Variants in FAM13A observed in about 807,000 individuals in gnomAD.
FAM13A encodes protein FAM13A.
FAM13A carries 76 observed loss-of-function variants against 129.6 expected under a neutral mutation model. The ratio of observed to expected loss-of-function variants is 0.59; its 90% CI spans 0.49 to 0.71. The LOEUF (loss-of-function observed/expected upper bound fraction) is 0.71. FAM13A is among the 30% of genes least tolerant of loss of function. FAM13A has a pLI of 0.00. For synonymous variants in FAM13A, 443 were observed against 449.9 expected (o/e 0.98, Z 0.20); for missense variants, 1,108 against 1,249.3 (o/e 0.89, Z 1.70).
rs1231240005 is a variant in FAM13A, at chr4:88,726,690, A to AAAAT, written c.*1839_*1842dup. The stretch of plus-strand genomic sequence containing the variant: ...GTGAATGATTCATGTTCAGATTTCA[A>AAAAT]AAATAGGAAACATCCTAAAGTGCAT... On this transcript the variant is annotated 3_prime_UTR_variant, in exon 24 of 24. Transcript: ENST00000264344. 1.3e-5 allele frequency: 2 copies of AAAAT among 152,690 alleles called. No homozygotes were observed. The highest frequency in any genetic ancestry group is 2.4e-5 in the African/African-American group (1 of 41,478). The allele number at this position is 152,690 out of a possible 1,614,324, so 9.5% of individuals were successfully genotyped here. A position where few individuals can be genotyped will look rare whatever the true frequency, so the allele number is the denominator to read the frequency against.
intron 7 of FAM13A, among the ~76,000 whole-genome samples, chr4:88,807,299 A>T (rs1728754860): frequency 6.6e-6 from 1 of 152,164 alleles, no homozygotes; most frequent in Admixed American, 6.5e-5. Context: ...CAGCAAACAG[A>T]AGCAATACTT....
chr4:88,818,944 C>T (rs542640180), intron 7 of FAM13A, among the ~76,000 whole-genome samples: 4 of 152,314 alleles, frequency 2.6e-5, no homozygotes, highest in Middle Eastern at 3.4e-3. Context: ...ATGTTATCAA[C>T]GTTTACGTTG....
intron 19 of FAM13A, 24 bp from the exon 20 acceptor site, chr4:88,739,149 T>C (rs1201289342): frequency 7.2e-6 from 11 of 1,538,370 alleles, no homozygotes; most frequent in East Asian, 2.2e-5. Flanking sequence ...ATGAGAGCTA[T>C]GAGAAGCCTG....
chr4:88,750,727 T>C, intron 14 of FAM13A, 90 bp from the exon 15 acceptor site: 1 of 951,180 alleles, frequency 1.1e-6, no homozygotes, highest in South Asian at 1.5e-5. Flanking sequence ...GCTTCCCAGA[T>C]GCTTTAGGAA....
At chr4:88,961,683 T>A (rs373135922) in intron 4 of FAM13A, among the ~76,000 whole-genome samples, 1 of 151,960 alleles carries the variant, frequency 6.6e-6, no homozygotes, top group African/African-American at 2.4e-5. Flanking sequence ...TGCCTTTTAG[T>A]GGTGTGTGGA....
intron 20 of FAM13A, 31 bp from the exon 21 acceptor site, chr4:88,737,586 T>A: frequency 6.4e-7 from 1 of 1,574,638 alleles, no homozygotes; most frequent in African/African-American, 1.3e-5. Flanking sequence ...TAGGTTACAT[T>A]CCGAACCCCT....
At chr4:88,963,138 T>G (rs541984217) in intron 4 of FAM13A, among the ~76,000 whole-genome samples, 2 of 152,266 alleles carry the variant, frequency 1.3e-5, no homozygotes, top group South Asian at 2.1e-4. Context: ...AAAAAAAATT[T>G]AAAATTGATG....
At chr4:88,873,196 T>C (rs1181528893) in intron 6 of FAM13A, among the ~76,000 whole-genome samples, 3 of 151,820 alleles carry the variant, frequency 2.0e-5, no homozygotes, top group Admixed American at 6.6e-5. Context: ...AGGAAAGATC[T>C]AAAATTGACA....
intron 7 of FAM13A, among the ~76,000 whole-genome samples, chr4:88,837,057 C>T (rs145452059): frequency 2.6e-3 from 394 of 151,896 alleles, no homozygotes; most frequent in African/African-American, 8.9e-3. Context: ...TGCAATGGCA[C>T]GATCTCCACT....
At chr4:88,744,952 G>T (rs1055741779) in intron 19 of FAM13A, among the ~76,000 whole-genome samples, 2 of 152,136 alleles carry the variant, frequency 1.3e-5, no homozygotes, top group Admixed American at 6.5e-5. Flanking sequence ...GCAGGGCCAA[G>T]AATAATAGTT....
At chr4:88,738,069 A>G (rs1235017768) in intron 20 of FAM13A, among the ~76,000 whole-genome samples, 1 of 152,196 alleles carries the variant, frequency 6.6e-6, no homozygotes, top group East Asian at 1.9e-4. Flanking sequence ...AGAATACATT[A>G]AAGTGGCTTT....
chr4:89,053,061 C>T (rs1429108704), intron 1 of FAM13A, among the ~76,000 whole-genome samples: 2 of 152,220 alleles, frequency 1.3e-5, no homozygotes, highest in Non-Finnish European at 2.9e-5. Context: ...GCCACCATTT[C>T]AGCACTTTAC....
At chr4:89,030,704 A>G (rs574158011) in intron 1 of FAM13A, among the ~76,000 whole-genome samples, 4 of 152,306 alleles carry the variant, frequency 2.6e-5, no homozygotes, top group Middle Eastern at 3.4e-3. Context: ...AACTAGTAAG[A>G]GACAGTTTCA....
At chr4:88,747,929 G>A (rs1258349402) in intron 17 of FAM13A, 78 bp from the exon 18 acceptor site, 7 of 1,087,510 alleles carry the variant, frequency 6.4e-6, no homozygotes, top group South Asian at 4.6e-5. Flanking sequence ...TCGCTCTGTC[G>A]CCCAGGTTGG....
rs762178636 is a variant in FAM13A, at chr4:89,007,219, A to G, written c.427+13241T>C. On this transcript the variant is annotated intron_variant, in intron 3 of 23. Transcript: ENST00000264344. ...ATGGAGCCTAATTTTCCTACCCTTG[A>G]ATACAGACCAGATTAATGACTTGCC... 2.0e-5 allele frequency among the ~76,000 whole-genome samples: 3 copies of G among 152,318 alleles called. No homozygotes were observed. In the South Asian group the frequency reaches 6.2e-4, roughly 32 times the overall value.
At chr4:88,870,801 G>T (rs1167984378) in intron 6 of FAM13A, among the ~76,000 whole-genome samples, 1 of 152,226 alleles carries the variant, frequency 6.6e-6, no homozygotes, top group East Asian at 1.9e-4. Context: ...AGCTCTGAGA[G>T]CAGACAGACT....
At chr4:88,812,103 G>T (rs1041314368) in intron 7 of FAM13A, among the ~76,000 whole-genome samples, 1 of 152,150 alleles carries the variant, frequency 6.6e-6, no homozygotes, top group African/African-American at 2.4e-5. Context: ...GCCCTTGTCA[G>T]ATATGAGACC....
At chr4:88,924,938 A>G (rs1214136181) in intron 5 of FAM13A, among the ~76,000 whole-genome samples, 8 of 151,898 alleles carry the variant, frequency 5.3e-5, no homozygotes, top group Non-Finnish European at 1.0e-4. Flanking sequence ...TATGCAGCCA[A>G]AAGACACATG....
At chr4:88,833,632 T>C (rs1257411411) in intron 7 of FAM13A, among the ~76,000 whole-genome samples, 1 of 152,152 alleles carries the variant, frequency 6.6e-6, no homozygotes, top group African/African-American at 2.4e-5. Context: ...ACGCCTGTAA[T>C]CCCAGCACTT....
Sources: allele counts gnomAD v4.1 joint callset (sites outside exome capture counted in the v4.1 genomes callset), GRCh38; gene constraint gnomAD v4.1.1; transcripts MANE v1.5; gene names NCBI Gene and HGNC (gene_info 2026-07-23, HGNC 2026-07-21).